OSBPL6: variants seen among roughly 807,000 people sequenced by gnomAD.
The protein encoded by OSBPL6 is oxysterol-binding protein-related protein 6.
OSBPL6 carries 49 observed loss-of-function variants against 125.8 expected under a neutral mutation model. The ratio of observed to expected loss-of-function variants is 0.39; its 90% CI spans 0.31 to 0.49. The LOEUF (loss-of-function observed/expected upper bound fraction) is 0.49, where lower values mean the gene tolerates loss of function less well. OSBPL6 is among the 20% of genes least tolerant of loss of function. The probability of loss-of-function intolerance (pLI) is 0.88; values close to 1 mark genes in which losing one functional copy is unlikely to be tolerated. For synonymous variants in OSBPL6, 394 were observed against 391.8 expected (o/e 1.01, Z -0.07); for missense variants, 986 against 1,135.4 (o/e 0.87, Z 1.89).
Position 178,361,798 on chromosome 2 carries a change from C to G in OSBPL6, c.1270C>G (p.Arg424Gly). ...CCACAGCACGCAGATGGCACGGCTC[C>G]GACAGTCACTGTCTCAGGTAGGCAA... ...KGHSTQMARL[R>G]QSLSQALNQN... Residue 424 changes from arginine to glycine, a missense_variant, in exon 13 of 25, where the codon CGA becomes GGA. Transcript: ENST00000190611. 1 of 1,613,964 alleles carries G rather than the reference C, an allele frequency of 6.2e-7. No homozygotes were observed.
chr2:178,300,016 C>T (rs990335575), intron 2 of OSBPL6, among the ~76,000 whole-genome samples: 5 of 152,172 alleles, frequency 3.3e-5, no homozygotes, highest in African/African-American at 1.2e-4. Context: ...TTTAAAAAGA[C>T]AAACTGTCAA....
chr2:178,340,230 CTG>C (rs772080374), intron 11 of OSBPL6, among the ~76,000 whole-genome samples: 31 of 152,134 alleles, frequency 2.0e-4, no homozygotes, highest in Non-Finnish European at 3.7e-4. Flanking sequence ...AGTCTAATCA[CTG>C]TGATTTTCTG....
intron 1 of OSBPL6, among the ~76,000 whole-genome samples, chr2:178,260,197 C>A (rs2092013994): frequency 6.6e-6 from 1 of 152,110 alleles, no homozygotes; most frequent in South Asian, 2.1e-4. Flanking sequence ...GGTTAGCTGA[C>A]CTCCAAAGGT....
chr2:178,288,212 A>G (rs334626), intron 2 of OSBPL6, among the ~76,000 whole-genome samples: 131,965 of 152,048 alleles, frequency 0.87, 58,343 homozygotes, highest in Non-Finnish European at 0.95. Context: ...CCCTCAGGTT[A>G]AAGGGGGTCT....
At chr2:178,306,667 C>G (rs774865458) in intron 3 of OSBPL6, among the ~76,000 whole-genome samples, 8 of 152,198 alleles carry the variant, frequency 5.3e-5, no homozygotes, top group Non-Finnish European at 5.9e-5. Context: ...ACTGGGCTGC[C>G]AAGCCCTAAC....
In OSBPL6 at chr2:178,328,379, G is replaced by GT; in HGVS notation, c.318+2dup. On this transcript the variant is annotated splice_donor_variant, in intron 5 of 24. Coordinates refer to ENST00000190611, the MANE Select transcript of OSBPL6 (RefSeq NM_032523.4). LOFTEE classifies it high-confidence loss of function. The stretch of plus-strand genomic sequence containing the variant: ...ATGGCCTTTAAAAGGCTGGCACAAG[G>GT]TAACATTTTTATCATATTCAGGTTC... 6.2e-7 allele frequency: 1 copy of GT among 1,611,938 alleles called. No homozygotes were observed. The highest frequency in any genetic ancestry group is 8.5e-7 in the Non-Finnish European group (1 of 1,179,362).
At chr2:178,211,969 C>T (rs539368526) in intron 1 of OSBPL6, among the ~76,000 whole-genome samples, 33 of 152,196 alleles carry the variant, frequency 2.2e-4, no homozygotes, top group Non-Finnish European at 4.0e-4. Context: ...TTTGAACAAC[C>T]CATGTTTTGG....
chr2:178,288,783 G>C (rs925124307), intron 2 of OSBPL6, among the ~76,000 whole-genome samples: 1 of 151,858 alleles, frequency 6.6e-6, no homozygotes, highest in East Asian at 1.9e-4. Flanking sequence ...CAAGTAGTTG[G>C]GATTACAGGC....
At chr2:178,385,714 G>A (rs547811577) in intron 19 of OSBPL6, among the ~76,000 whole-genome samples, 193 bp downstream of exon 19, 1 of 152,330 alleles carries the variant, frequency 6.6e-6, no homozygotes, top group South Asian at 2.1e-4. Context: ...TAGGAGATGA[G>A]ATTGCTTATC....
chr2:178,286,423 T>A (rs971795165), intron 2 of OSBPL6, among the ~76,000 whole-genome samples: 9 of 152,252 alleles, frequency 5.9e-5, no homozygotes, highest in Non-Finnish European at 1.2e-4. Flanking sequence ...TGTACTTTAA[T>A]ATAACATTCT....
chr2:178,262,483 G>T (rs998508738), intron 1 of OSBPL6, among the ~76,000 whole-genome samples: 11 of 152,240 alleles, frequency 7.2e-5, no homozygotes, highest in Admixed American at 5.9e-4. Context: ...TTCAGAATTT[G>T]TCTCCAAGGC....
At chr2:178,226,141 A>T (rs564091855) in intron 1 of OSBPL6, among the ~76,000 whole-genome samples, 16 of 152,200 alleles carry the variant, frequency 1.1e-4, no homozygotes, top group South Asian at 6.2e-4. Context: ...GGAAGTGTGG[A>T]TGCAGTGACA....
Position 178,373,820 on chromosome 2 carries a change from G to A in OSBPL6, c.1396-70G>A. On this transcript the variant is annotated intron_variant, in intron 14 of 24. Coordinates refer to ENST00000190611, the MANE Select transcript of OSBPL6 (RefSeq NM_032523.4). Reference sequence around the variant, plus strand: ...TACAGTATTAAAGAGTAGAAATCTGGCTAATTTGAAGGAATAGCTATTCTA... The same window carrying A: ...TACAGTATTAAAGAGTAGAAATCTGACTAATTTGAAGGAATAGCTATTCTA... 1.9e-6 allele frequency: 3 copies of A among 1,569,214 alleles called. No homozygotes were observed. In the Admixed American group the frequency reaches 5.6e-5, roughly 29 times the overall value.
chr2:178,361,861 C>T (rs1265823796), intron 13 of OSBPL6, 46 bp downstream of exon 13: 1 of 1,603,384 alleles, frequency 6.2e-7, no homozygotes, highest in Admixed American at 1.7e-5. Context: ...CACTCCCAAC[C>T]CTGTAAGATG....
At chr2:178,208,145 C>T (rs759000063) in intron 1 of OSBPL6, among the ~76,000 whole-genome samples, 3 of 151,860 alleles carry the variant, frequency 2.0e-5, no homozygotes, top group East Asian at 1.9e-4. Context: ...AATTAGCCAG[C>T]GTGGTGGCAC....
intron 1 of OSBPL6, among the ~76,000 whole-genome samples, chr2:178,228,031 G>GA (rs200543575): frequency 2.0e-5 from 3 of 151,284 alleles, no homozygotes; most frequent in African/African-American, 7.3e-5. Flanking sequence ...AATAAAAGAA[G>GA]AAAAAAAAGA....
intron 1 of OSBPL6, among the ~76,000 whole-genome samples, chr2:178,226,918 G>C (rs1408930428): frequency 6.6e-6 from 1 of 152,126 alleles, no homozygotes; most frequent in East Asian, 1.9e-4. Flanking sequence ...AATCTAAAGA[G>C]GCCTTATTGA....
intron 1 of OSBPL6, among the ~76,000 whole-genome samples, chr2:178,195,454 A>C (rs2088831432): frequency 1.3e-5 from 2 of 152,248 alleles, no homozygotes; most frequent in Non-Finnish European, 2.9e-5. Flanking sequence ...AGACCTGAGG[A>C]GAAAGCCTGG....
chr2:178,298,713 T>TTG (rs925299162), intron 2 of OSBPL6, among the ~76,000 whole-genome samples: 6 of 151,556 alleles, frequency 4.0e-5, no homozygotes, highest in Non-Finnish European at 8.8e-5. Context: ...TTTGTTTTTT[T>TTG]TTTTTTGCCG....
Sources: allele counts gnomAD v4.1 joint callset (sites outside exome capture counted in the v4.1 genomes callset), GRCh38; gene constraint gnomAD v4.1.1; transcripts MANE v1.5; gene names NCBI Gene and HGNC (gene_info 2026-07-23, HGNC 2026-07-21).